Variants in POTEF observed in about 807,000 individuals in gnomAD.
POTEF encodes the protein POTE ankyrin domain family member F.
A neutral mutation model predicts 83.2 loss-of-function variants in POTEF; 20 were observed. The observed-to-expected ratio is 0.24, with a 90% CI of 0.17 to 0.35. POTEF has a LOEUF of 0.35. POTEF is among the 10% of genes least tolerant of loss of function. POTEF has a pLI of 1.00. For missense variants in POTEF, 550 were observed against 1,203.2 expected (o/e 0.46, Z 8.03); for synonymous variants, 196 against 446.4 (o/e 0.44, Z 7.07).
intron 3 of POTEF, among the ~76,000 whole-genome samples, chr2:130,116,544 C>T (rs184644933): frequency 1.4e-3 from 194 of 142,894 alleles, no homozygotes; most frequent in African/African-American, 5.0e-3. Flanking sequence ...TGTTGCTTCC[C>T]TCTAGGTATC....
chr2:130,118,916 C>T (rs1363449535), intron 3 of POTEF, among the ~76,000 whole-genome samples: 1 of 150,202 alleles, frequency 6.7e-6, no homozygotes, highest in Admixed American at 6.6e-5. Context: ...AAATTCTTAA[C>T]ATATATTTGG....
At chr2:130,120,632 C>G in intron 2 of POTEF, 24 bp from the exon 3 acceptor site, 2 of 1,566,582 alleles carry the variant, frequency 1.3e-6, no homozygotes, top group South Asian at 2.4e-5. Flanking sequence ...AAAGTCAATC[C>G]CAGCCAAAAC....
At chr2:130,113,877 AAGAGT>A (rs1201535289) in intron 5 of POTEF, among the ~76,000 whole-genome samples, 2 of 151,482 alleles carry the variant, frequency 1.3e-5, no homozygotes, top group Admixed American at 1.3e-4. Context: ...TTTGGCCAAA[AAGAGT>A]AAGGAGTAGG....
In POTEF at chr2:130,120,746, C is replaced by T. The variant is rs568557548; in HGVS notation, c.-93-138G>A. 1.3e-5 allele frequency: 11 copies of T among 849,868 alleles called. No homozygotes were observed. The South Asian group carries it at 1.8e-4, about 14-fold the overall frequency. The allele number at this position is 849,868 out of a possible 1,614,324, so 52.6% of individuals were successfully genotyped here. A position where few individuals can be genotyped will look rare whatever the true frequency, so the allele number is the denominator to read the frequency against. On this transcript the variant is annotated intron_variant, in intron 2 of 16. Transcript: ENST00000409914. ...CCCCCCCTGGGCGACCCCACGCCCA[C>T]CCCAGAAAGGGCCAACCCCCGCCCC... is the stretch of plus-strand genomic sequence containing the variant.
In POTEF at chr2:130,074,684, C is replaced by G. The variant is rs1384894903; in HGVS notation, c.2788G>C (p.Val930Leu). ...TTCTCTAGGGAGGAGCTGGAGGCCA[C>G]CGTGGCCATCTCCTGCTCGAAGTCC... is the stretch of plus-strand genomic sequence containing the variant. ...ALDFEQEMAT[V>L]ASSSSLEKSY... The change falls in exon 17 of 17, where the codon GTG (valine) becomes CTG (leucine). Residue 930 changes from valine (V) to leucine (L), a missense_variant. Coordinates refer to ENST00000409914, the MANE Select transcript of POTEF (RefSeq NM_001099771.2). The G allele has an allele frequency of 1.3e-6, 2 of 1,589,094 alleles. No individual in the cohort carries two copies. Among genetic ancestry groups the G allele is most frequent in the South Asian group, 1.1e-5 (1 of 89,922 alleles).
chr2:130,115,969 G>A (rs1291714849), intron 3 of POTEF, among the ~76,000 whole-genome samples: 2 of 152,012 alleles, frequency 1.3e-5, no homozygotes, highest in South Asian at 4.2e-4. Flanking sequence ...TCTTATTGAG[G>A]CATAAAATAA....
rs1406133801 is a variant in POTEF at position 130,074,837 on chromosome 2, C to G, written c.2635G>C (p.Asp879His). Residue 879 changes from aspartate to histidine, a missense_variant, in exon 17 of 17, where the codon GAC (aspartate) becomes CAC (histidine). Coordinates refer to ENST00000409914, the MANE Select transcript of POTEF (RefSeq NM_001099771.2). The stretch of plus-strand genomic sequence containing the variant: ...TCAGGCAGTTCCCGCCCAGCCAGGT[C>G]TAGGCGCAGGGTGGCATGGGGGAGG... ...NALPHATLRL[D>H]LAGRELPDYL... 6.6e-7 allele frequency: 1 copy of G among 1,515,678 alleles called. No homozygotes were observed. The highest frequency in any genetic ancestry group is 2.3e-5 in the East Asian group (1 of 43,096). The allele number at this position is 1,515,678 out of a possible 1,614,324, so 93.9% of individuals were successfully genotyped here.
rs751060256 is a variant in POTEF at position 130,075,224 on chromosome 2, T to C, written c.2248A>G (p.Lys750Glu). The change falls in exon 17 of 17, where the codon AAA becomes GAA. Residue 750 changes from lysine to glutamate, a missense_variant. By Grantham distance (56) the Lys-to-Glu change is moderately conservative. Transcript: ENST00000409914. ...QQGMMGGMHQ[K>E]ESYVGKEAQS... ...GCCTCCTTGCCCACATAGGACTCTT[T>C]CTGATGCATGCCCCCCATCATGCCC... The C allele has an allele frequency of 4.3e-6, 7 of 1,612,516 alleles. No homozygotes were observed. Among genetic ancestry groups the C allele is most frequent in the Admixed American group, 1.7e-5 (1 of 59,904 alleles).
chr2:130,114,121 T>G (rs1684780807), intron 5 of POTEF, among the ~76,000 whole-genome samples: 1 of 151,472 alleles, frequency 6.6e-6, no homozygotes, highest in Non-Finnish European at 1.5e-5. Context: ...GGGTTTCCTC[T>G]TACATTACCA....
At chr2:130,119,627 G>T (rs1015665561) in intron 3 of POTEF, among the ~76,000 whole-genome samples, 16 of 151,882 alleles carry the variant, frequency 1.1e-4, no homozygotes, top group Admixed American at 2.6e-4. Flanking sequence ...CCCTGAAGTT[G>T]ATGTGTTATG....
chr2:130,123,713 A>G (rs958690659), intron 2 of POTEF, among the ~76,000 whole-genome samples: 3 of 151,260 alleles, frequency 2.0e-5, no homozygotes, highest in African/African-American at 7.4e-5. Context: ...CATAAATGCT[A>G]TGTAAATGCT....
chr2:130,115,711 T>C (rs1684829055), intron 3 of POTEF, among the ~76,000 whole-genome samples: 1 of 152,366 alleles, frequency 6.6e-6, no homozygotes, highest in East Asian at 1.9e-4. Flanking sequence ...GCACAAAAGA[T>C]ATAGAATAGT....
At chr2:130,118,435 G>A (rs1573615599) in intron 3 of POTEF, among the ~76,000 whole-genome samples, 1 of 144,164 alleles carries the variant, frequency 6.9e-6, no homozygotes, top group African/African-American at 2.5e-5. Flanking sequence ...AGTGGCTCAC[G>A]CCTGTAACCC....
chr2:130,110,371 C>T (rs971367454), intron 7 of POTEF, among the ~76,000 whole-genome samples, 172 bp downstream of exon 7: 3 of 151,028 alleles, frequency 2.0e-5, no homozygotes, highest in Non-Finnish European at 4.4e-5. Flanking sequence ...GTACTTCTAA[C>T]TTGTCTTGCT....
intron 3 of POTEF, among the ~76,000 whole-genome samples, chr2:130,115,911 C>T (rs985835626): frequency 6.6e-6 from 1 of 151,832 alleles, no homozygotes; most frequent in African/African-American, 2.4e-5. Flanking sequence ...CACTGAAATA[C>T]CACTTACAAT....
Position 130,112,100 on chromosome 2 carries a change from T to C in POTEF, c.812A>G (p.His271Arg). Reference sequence around the variant, plus strand: ...ACCAAGTAACAGTGGTGTGAGGCCATGCTGTAAAACAATATAAAGCAAAAA... The same window carrying C: ...ACCAAGTAACAGTGGTGTGAGGCCACGCTGTAAAACAATATAAAGCAAAAA... ...YGADIESKNK[H>R]GLTPLLLGVH... The change falls in exon 6 of 17, where the codon CAT becomes CGT. Residue 271 changes from histidine to arginine, a missense_variant and splice_region_variant. Transcript: ENST00000409914. The C allele has an allele frequency of 6.7e-7, 1 of 1,489,818 alleles. No homozygotes were observed. Among genetic ancestry groups the C allele is most frequent in the Non-Finnish European group, 8.9e-7 (1 of 1,122,262 alleles). 92.3% of individuals were successfully genotyped at this position (1,489,818 alleles called of 1,614,324 possible). A position where few individuals can be genotyped will look rare whatever the true frequency, so the allele number is the denominator to read the frequency against.
intron 5 of POTEF, among the ~76,000 whole-genome samples, chr2:130,113,519 T>C (rs1684766707): frequency 1.1e-5 from 1 of 92,808 alleles, no homozygotes; most frequent in Non-Finnish European, 2.4e-5. Context: ...AAAATTGTTG[T>C]TGTTGTCGTT....
chr2:130,117,126 G>A (rs146524702), intron 3 of POTEF, among the ~76,000 whole-genome samples: 2,750 of 151,692 alleles, frequency 0.018, 137 homozygotes, highest in African/African-American at 0.064. Context: ...ACTTACATTT[G>A]CTATTTTAAT....
At chr2:130,076,519 C>A (rs1288064842) in intron 16 of POTEF, among the ~76,000 whole-genome samples, 11 of 149,062 alleles carry the variant, frequency 7.4e-5, no homozygotes, top group Admixed American at 6.7e-4. Flanking sequence ...ATATACTGAA[C>A]TATTTCTCCA....
Sources: allele counts gnomAD v4.1 joint callset (sites outside exome capture counted in the v4.1 genomes callset), GRCh38; gene constraint gnomAD v4.1.1; transcripts MANE v1.5; gene names NCBI Gene and HGNC (gene_info 2026-07-23, HGNC 2026-07-21).